DAB1: variants seen among roughly 807,000 people sequenced by gnomAD.
DAB1 encodes the protein disabled homolog 1.
A neutral mutation model predicts 64.6 loss-of-function variants in DAB1; 15 were observed. The ratio of observed to expected loss-of-function variants is 0.23; its 90% CI spans 0.16 to 0.36. The LOEUF (loss-of-function observed/expected upper bound fraction) is 0.36, where lower values mean the gene tolerates loss of function less well. Ranked by LOEUF, DAB1 falls within the 10% of genes least tolerant of loss-of-function variation. The probability of loss-of-function intolerance (pLI) is 1.00; values close to 1 mark genes in which losing one functional copy is unlikely to be tolerated. For missense variants in DAB1, 596 were observed against 706.7 expected (o/e 0.84, Z 1.78); for synonymous variants, 235 against 251.9 (o/e 0.93, Z 0.64).
chr1:57,694,157 A>G (rs1415028934), intron 6 of DAB1, among the ~76,000 whole-genome samples: 1 of 152,202 alleles, frequency 6.6e-6, no homozygotes, highest in East Asian at 1.9e-4. Flanking sequence ...TCCTCTGGAT[A>G]TAGATAGCTG....
At chr1:57,183,258 C>A (rs951061313) in intron 2 of DAB1, among the ~76,000 whole-genome samples, 12 of 152,056 alleles carry the variant, frequency 7.9e-5, no homozygotes, top group African/African-American at 2.9e-4. Context: ...TCTTTCAGAC[C>A]TCAGGTTGGA....
intron 5 of DAB1, among the ~76,000 whole-genome samples, chr1:58,130,828 C>T (rs1391115688): frequency 6.6e-6 from 1 of 152,012 alleles, no homozygotes; most frequent in Non-Finnish European, 1.5e-5. Context: ...GAGAGATCCG[C>T]CGTTAGTCTG....
At chr1:57,204,446 A>G (rs1213749921) in intron 2 of DAB1, among the ~76,000 whole-genome samples, 3 of 123,930 alleles carry the variant, frequency 2.4e-5, no homozygotes, top group African/African-American at 9.1e-5. Flanking sequence ...ACACTGGTCT[A>G]GATTTAAAAA....
At chr1:58,326,749 C>A (rs72669807) in intron 4 of DAB1, among the ~76,000 whole-genome samples, 24,736 of 152,086 alleles carry the variant, frequency 0.16, 2,227 homozygotes, top group Middle Eastern at 0.27. Flanking sequence ...CTGACCAGGT[C>A]CCCTGAAAGG....
chr1:57,223,740 C>T (rs1049486207), intron 2 of DAB1, among the ~76,000 whole-genome samples: 2 of 152,082 alleles, frequency 1.3e-5, no homozygotes, highest in African/African-American at 4.8e-5. Context: ...ACATAGGAAC[C>T]CTTCAATAAA....
At chr1:57,398,176 A>C (rs1196459650) in intron 1 of DAB1, among the ~76,000 whole-genome samples, 1 of 152,236 alleles carries the variant, frequency 6.6e-6, no homozygotes, top group African/African-American at 2.4e-5. Context: ...AGCAAGGCCC[A>C]TAGGCGGCAG....
chr1:58,080,793 A>T (rs1168160195), intron 5 of DAB1, among the ~76,000 whole-genome samples: 1 of 152,180 alleles, frequency 6.6e-6, no homozygotes, highest in Non-Finnish European at 1.5e-5. Context: ...TGATTTGAGG[A>T]ATGTTTGGAA....
rs565893947 is a variant in DAB1, at chr1:57,475,014, C to G, written n.625+174578G>C. The stretch of plus-strand genomic sequence containing the variant: ...GTGGCTCACACCTGTAATCTTAACA[C>G]TTTGGGAAGCCAAGGTGAGTAGATC... On this transcript the variant is annotated intron_variant and non_coding_transcript_variant, in intron 7 of 20. Transcript: ENST00000485760. Among the ~76,000 whole-genome samples, 30 of 152,302 alleles carry G rather than the reference C, an allele frequency of 2.0e-4. No homozygotes were observed. In the South Asian group the frequency reaches 5.4e-3, roughly 27 times the overall value.
At chr1:57,255,000 A>G (rs1476848875) in intron 2 of DAB1, among the ~76,000 whole-genome samples, 1 of 152,216 alleles carries the variant, frequency 6.6e-6, no homozygotes. Flanking sequence ...GCAAAAGACT[A>G]CTATTTTTTT....
intron 5 of DAB1, among the ~76,000 whole-genome samples, chr1:58,053,733 T>C (rs574213761): frequency 6.6e-6 from 1 of 152,294 alleles, no homozygotes; most frequent in African/African-American, 2.4e-5. Context: ...TAACAAAAAA[T>C]ATGGATTCAC....
chr1:58,082,711 A>C (rs979702164), intron 5 of DAB1, among the ~76,000 whole-genome samples: 1 of 152,070 alleles, frequency 6.6e-6, no homozygotes, highest in Non-Finnish European at 1.5e-5. Flanking sequence ...TTCAGGCAGG[A>C]GAAGGTAAAT....
Position 57,089,022 on chromosome 1 carries a change from G to T in DAB1, c.307-16608C>A, listed in dbSNP as rs141368178. Among the ~76,000 whole-genome samples the T allele has an allele frequency of 6.0e-3, 914 of 152,308 alleles. 10 individuals are homozygous for T. Among genetic ancestry groups the T allele is most frequent in the African/African-American group, 0.021 (866 of 41,572 alleles). On this transcript the variant is annotated intron_variant, in intron 4 of 14. Transcript: ENST00000371236. ...TCAAACGCTGGCCTTTCACTCACAA[G>T]CAATGTACACCTGGGCTAAACACCT...
At position 58,305,977 on chromosome 1, in the gene DAB1, C is replaced by A. The variant is rs114296322; in HGVS notation, n.309+37375G>T. The stretch of plus-strand genomic sequence containing the variant: ...AGGCCTGGCAGGGCTGTGACAGGAG[C>A]ACCCCCCCACCCCCCTCCACACACA... On this transcript the variant is annotated intron_variant and non_coding_transcript_variant, in intron 4 of 20. Transcript: ENST00000485760. Among the ~76,000 whole-genome samples the A allele has an allele frequency of 5.0e-3, 767 of 151,910 alleles. 2 individuals carry two copies. Among genetic ancestry groups the A allele is most frequent in the Middle Eastern group, 0.01 (3 of 290 alleles).
At chr1:57,076,548 A>G (rs1188202065) in intron 4 of DAB1, among the ~76,000 whole-genome samples, 1 of 152,134 alleles carries the variant, frequency 6.6e-6, no homozygotes, top group African/African-American at 2.4e-5. Flanking sequence ...TGACCTTCCT[A>G]TGCATGAACT....
chr1:57,080,770 A>G (rs1272612117), intron 4 of DAB1, among the ~76,000 whole-genome samples: 1 of 151,848 alleles, frequency 6.6e-6, no homozygotes, highest in East Asian at 1.9e-4. Flanking sequence ...ACACACACAC[A>G]CACACCTTAA....
chr1:57,661,928 T>G (rs1646391107), intron 6 of DAB1, among the ~76,000 whole-genome samples: 1 of 152,052 alleles, frequency 6.6e-6, no homozygotes, highest in Non-Finnish European at 1.5e-5. Context: ...AAAGGAATGG[T>G]CCTAGTGAGT....
At chr1:58,077,198 C>T (rs1649709154) in intron 5 of DAB1, among the ~76,000 whole-genome samples, 1 of 152,062 alleles carries the variant, frequency 6.6e-6, no homozygotes, top group African/African-American at 2.4e-5. Flanking sequence ...TGACCAGTCA[C>T]AAGTACACTC....
chr1:57,555,704 C>G (rs944601421), intron 7 of DAB1, among the ~76,000 whole-genome samples: 4 of 152,092 alleles, frequency 2.6e-5, no homozygotes, highest in African/African-American at 9.7e-5. Flanking sequence ...TGTCCAGGGT[C>G]ACAGTGCTAA....
chr1:58,156,651 A>C (rs1005157459), intron 4 of DAB1, among the ~76,000 whole-genome samples: 2 of 152,148 alleles, frequency 1.3e-5, no homozygotes, highest in African/African-American at 4.8e-5. Context: ...TTTTTTGTGT[A>C]AGGCAAGATC....
Sources: allele counts gnomAD v4.1 joint callset (sites outside exome capture counted in the v4.1 genomes callset), GRCh38; gene constraint gnomAD v4.1.1; transcripts MANE v1.5; gene names NCBI Gene and HGNC (gene_info 2026-07-23, HGNC 2026-07-21).